MICAL2: variants seen among roughly 807,000 people sequenced by gnomAD.
MICAL2 encodes the protein microtubule associated monooxygenase, calponin and LIM domain containing 2, also known as [F-actin]-monooxygenase MICAL2.
A neutral mutation model predicts 127.3 loss-of-function variants in MICAL2; 77 were observed. The ratio of observed to expected loss-of-function variants is 0.60; its 90% CI spans 0.50 to 0.73. The LOEUF is 0.73. MICAL2 is among the 30% of genes least tolerant of loss of function. MICAL2 has a pLI of 0.00. For missense variants in MICAL2, 1,351 were observed against 1,434.4 expected (o/e 0.94, Z 0.94); for synonymous variants, 570 against 551.1 (o/e 1.03, Z -0.48).
chr11:12,236,695 A>G (rs2134425333), intron 16 of MICAL2, among the ~76,000 whole-genome samples: 1 of 152,352 alleles, frequency 6.6e-6, no homozygotes, highest in African/African-American at 2.4e-5. Context: ...GGTCTCCACA[A>G]GTGCCACCTT....
intron 3 of MICAL2, among the ~76,000 whole-genome samples, chr11:12,195,449 A>G (rs1859771895): frequency 6.6e-6 from 1 of 152,230 alleles, no homozygotes; most frequent in South Asian, 2.1e-4. Flanking sequence ...AGCAAGGAGA[A>G]CAAAATCTAA....
At chr11:12,306,510 T>C (rs1864111537) in intron 29 of MICAL2, among the ~76,000 whole-genome samples, 1 of 152,216 alleles carries the variant, frequency 6.6e-6, no homozygotes, top group Admixed American at 6.5e-5. Flanking sequence ...AATGTGCAGT[T>C]CCATGTGTTT....
chr11:12,336,665 G>A (rs1449646271), intron 32 of MICAL2, among the ~76,000 whole-genome samples: 3 of 152,096 alleles, frequency 2.0e-5, no homozygotes, highest in South Asian at 2.1e-4. Context: ...AGCATGAAGG[G>A]TTGTTGAATT....
intron 22 of MICAL2, 56 bp downstream of exon 22, chr11:12,249,302 G>A (rs1431082146): frequency 9.9e-7 from 1 of 1,011,848 alleles, no homozygotes; most frequent in Non-Finnish European, 1.6e-6. Context: ...GGGATTATCA[G>A]ACCCACCTGC....
In MICAL2 at chr11:12,204,352, C is replaced by T. The variant is rs987479491; in HGVS notation, c.367C>T (p.Arg123Trp). The T allele has an allele frequency of 6.2e-6, 10 of 1,613,966 alleles. No homozygotes were observed. The highest frequency in any genetic ancestry group is 2.2e-5 in the East Asian group (1 of 44,894). Reference sequence around the variant, plus strand: ...GGTGGAGAAGAGGGACTCCTTCTCCCGGAACAACGTGCTACACCTCTGGCC... The same window carrying T: ...GGTGGAGAAGAGGGACTCCTTCTCCTGGAACAACGTGCTACACCTCTGGCC... ...VVVEKRDSFS[R>W]NNVLHLWPFT... is the part of the protein sequence containing the mutation. The change falls in exon 4 of 28, where the codon CGG becomes TGG. Residue 123 changes from arginine (R) to tryptophan (W), a missense_variant. Arg to Trp is a moderately radical substitution (Grantham distance 101, BLOSUM62 -3). This residue lies in a region of MICAL2 where 599 missense variants were observed against 714.9 expected (regional missense o/e 0.84). Transcript: ENST00000683283.
chr11:12,252,788 C>T (rs1861730563), intron 22 of MICAL2: 1 of 152,190 alleles, frequency 6.6e-6, no homozygotes, highest in African/African-American at 2.4e-5. Flanking sequence ...GATGTGACCT[C>T]CCAAGGGCAG....
intron 2 of MICAL2, among the ~76,000 whole-genome samples, chr11:12,283,343 T>TTTTAA: frequency 7.5e-6 from 1 of 132,582 alleles, no homozygotes; most frequent in African/African-American, 2.7e-5. Flanking sequence ...GTGTGGAGTT[T>TTTTAA]AAAAAAAAAA....
intron 1 of MICAL2, among the ~76,000 whole-genome samples, chr11:12,119,901 G>C (rs1481421576): frequency 6.6e-6 from 1 of 152,222 alleles, no homozygotes. Flanking sequence ...GGACAGAGAG[G>C]TGTGTTTCTT....
rs767937523 is a variant in MICAL2, at chr11:12,256,897, A to G, written c.3068A>G (p.His1023Arg). ...CTGAGCGCCGAGGGCCACTTCTTCC[A>G]CCGGGAGTGTTTCCGCTGCAGCATC... ...ERLSAEGHFF[H>R]RECFRCSICA... The change falls in exon 24 of 28, where the codon CAC (histidine) becomes CGC (arginine). Residue 1023 changes from histidine to arginine, a missense_variant. Physicochemically the swap from His to Arg is conservative, Grantham distance 29. Transcript: ENST00000683283. The G allele has an allele frequency of 7.4e-6, 12 of 1,614,156 alleles. No homozygotes were observed. The highest frequency in any genetic ancestry group is 1.0e-5 in the Non-Finnish European group (12 of 1,180,006).
intron 12 of MICAL2, among the ~76,000 whole-genome samples, chr11:12,224,060 C>A (rs1333853366): frequency 6.6e-6 from 1 of 152,156 alleles, no homozygotes; most frequent in Non-Finnish European, 1.5e-5. Context: ...GTACTCCTCC[C>A]TCCCCTCCAC....
At chr11:12,165,873 G>C (rs142669295) in intron 3 of MICAL2, among the ~76,000 whole-genome samples, 1 of 152,340 alleles carries the variant, frequency 6.6e-6, no homozygotes, top group East Asian at 1.9e-4. Context: ...TCTCACTTGG[G>C]ATTATTGTTT....
Position 12,171,171 on chromosome 11 carries a change from G to C in MICAL2, c.264+8752G>C, listed in dbSNP as rs550373357. On this transcript the variant is annotated intron_variant, in intron 3 of 27. Coordinates refer to ENST00000683283, the MANE Select transcript of MICAL2 (RefSeq NM_001282663.2). ...GGCTGCCCGTGGAGCTTTCAAAAGA[G>C]ACGGGAAGTTAGCCAATAGGCTTGT... 1.2e-3 allele frequency among the ~76,000 whole-genome samples: 178 copies of C among 152,316 alleles called. 3 individuals carry two copies. Among genetic ancestry groups the C allele is most frequent in the Non-Finnish European group, 3.1e-4 (21 of 68,032 alleles).
chr11:12,292,239 C>G (rs757873201), downstream of MICAL2: 1 of 1,614,000 alleles, frequency 6.2e-7, no homozygotes, highest in East Asian at 2.2e-5. Flanking sequence ...TCTTCCCCAC[C>G]ATCTTCTTCT....
Position 12,243,995 on chromosome 11 carries a change from A to G in MICAL2, c.2667A>G (p.Leu889=), listed in dbSNP as rs2270511. 270,523 of 1,612,042 alleles carry G rather than the reference A, an allele frequency of 0.17. 23,979 individuals carry two copies. The highest frequency in any genetic ancestry group is 0.27 in the South Asian group (24,968 of 90,998). The change falls in exon 21 of 28, where the codon CTA becomes CTG. Residue 889 remains leucine (L), a synonymous_variant. Transcript: ENST00000683283. ...FGHGDFPQNK[L]LSKGLSHTHP... ...ATTTCTGTTCTGTGCAGAATAAACT[A>G]CTCTCTAAAGGCCTGTCTCATACTC...
intron 26 of MICAL2, 118 bp from the exon 27 acceptor site, chr11:12,262,361 CG>C: frequency 6.4e-7 from 1 of 1,558,656 alleles, no homozygotes; most frequent in Non-Finnish European, 8.6e-7. Flanking sequence ...CTCTTTCAAT[CG>C]TGGCCTTATT....
chr11:12,142,813 G>A (rs1852480689), intron 2 of MICAL2, among the ~76,000 whole-genome samples: 1 of 152,218 alleles, frequency 6.6e-6, no homozygotes, highest in Non-Finnish European at 1.5e-5. Flanking sequence ...GCCCACAAGG[G>A]CCAGGACTCA....
chr11:12,332,023 A>G (rs79819487), intron 32 of MICAL2, among the ~76,000 whole-genome samples: 1,925 of 152,306 alleles, frequency 0.013, 34 homozygotes, highest in African/African-American at 0.043. Context: ...TGATCCAAAC[A>G]AGGATCTCAA....
intron 3 of MICAL2, among the ~76,000 whole-genome samples, chr11:12,170,527 A>C (rs1003598255): frequency 2.0e-5 from 3 of 152,262 alleles, no homozygotes; most frequent in Non-Finnish European, 2.9e-5. Flanking sequence ...TAAGTGTATC[A>C]AATCAAATGC....
At chr11:12,277,324 T>G (rs977435762) in intron 1 of MICAL2, among the ~76,000 whole-genome samples, 2 of 151,962 alleles carry the variant, frequency 1.3e-5, no homozygotes, top group African/African-American at 4.8e-5. Flanking sequence ...CAGTGCCATC[T>G]GATTGGCTAC....
Sources: gnomAD v4.1 joint callset for allele counts (sites outside exome capture counted in the v4.1 genomes callset) on GRCh38, gnomAD v4.1.1 for gene constraint, gnomAD v4.1.1 regional missense constraint, MANE v1.5 for transcripts, NCBI Gene and HGNC (gene_info 2026-07-23, HGNC 2026-07-21) for gene names.